PLCL2: variants seen among roughly 807,000 people sequenced by gnomAD.
The protein encoded by PLCL2 is inactive phospholipase C-like protein 2.
A neutral mutation model predicts 79.6 loss-of-function variants in PLCL2; 4 were observed. The observed-to-expected ratio is 0.05, with a 90% CI of 0.02 to 0.11. The LOEUF (loss-of-function observed/expected upper bound fraction) is 0.11. PLCL2 is among the 10% of genes least tolerant of loss of function. The pLI is 1.00. For synonymous variants in PLCL2, 484 were observed against 457.7 expected (o/e 1.06, Z -0.73); for missense variants, 895 against 1,291.0 (o/e 0.69, Z 4.70).
intron 1 of PLCL2, among the ~76,000 whole-genome samples, chr3:16,999,009 A>G (rs2064180802): frequency 6.7e-6 from 1 of 149,212 alleles, no homozygotes; most frequent in Non-Finnish European, 1.5e-5. Context: ...GCTTTGAGTG[A>G]GGTCATTTGA....
intron 1 of PLCL2, among the ~76,000 whole-genome samples, chr3:16,993,006 G>A (rs2064119438): frequency 6.6e-6 from 1 of 152,094 alleles, no homozygotes; most frequent in African/African-American, 2.4e-5. Flanking sequence ...TGAAAGGTGA[G>A]GAGACCTTTG....
intron 4 of PLCL2, among the ~76,000 whole-genome samples, chr3:17,057,567 T>C (rs141141064): frequency 7.0e-4 from 106 of 152,308 alleles, no homozygotes; most frequent in African/African-American, 2.3e-3. Flanking sequence ...AGCTAGTAAG[T>C]TGTCAAAACA....
chr3:16,976,228 G>T (rs1238813956), intron 1 of PLCL2, among the ~76,000 whole-genome samples: 1 of 152,178 alleles, frequency 6.6e-6, no homozygotes, highest in Non-Finnish European at 1.5e-5. Context: ...GTCTGTGTAT[G>T]TGTGTGTGGA....
Position 16,929,238 on chromosome 3 carries a change from T to C in PLCL2, c.327+43872T>C, listed in dbSNP as rs927742228. Among the ~76,000 whole-genome samples the C allele has an allele frequency of 3.3e-5, 5 of 152,024 alleles. No homozygotes were observed. The South Asian group carries it at 6.2e-4, about 19-fold the overall frequency. On this transcript the variant is annotated intron_variant, in intron 1 of 5. Coordinates refer to ENST00000615277, the MANE Select transcript of PLCL2 (RefSeq NM_001144382.2). ...CTACAGGGAGGAGGAAAGAAACTGCTCTGCACTAGGACTTGTCTCAGAGCC... is the reference window on the plus strand; with the variant it reads ...CTACAGGGAGGAGGAAAGAAACTGCCCTGCACTAGGACTTGTCTCAGAGCC...
chr3:17,006,176 C>T (rs1360408092), intron 1 of PLCL2, among the ~76,000 whole-genome samples: 2 of 152,176 alleles, frequency 1.3e-5, no homozygotes, highest in East Asian at 1.9e-4. Context: ...CAATAGATCC[C>T]AGCTCTCTGC....
intron 1 of PLCL2, among the ~76,000 whole-genome samples, chr3:17,008,018 C>T (rs191090912): frequency 5.3e-5 from 8 of 152,300 alleles, no homozygotes; most frequent in African/African-American, 1.4e-4. Flanking sequence ...TAAATACACA[C>T]ACAGATGTGG....
chr3:16,896,897 G>A (rs1231027538), intron 1 of PLCL2, among the ~76,000 whole-genome samples: 11 of 152,216 alleles, frequency 7.2e-5, no homozygotes, highest in Admixed American at 6.5e-4. Flanking sequence ...CCACCTGGCT[G>A]CAATTGAATC....
At chr3:17,077,407 A>G (rs894324334) in intron 5 of PLCL2, among the ~76,000 whole-genome samples, 3 of 152,224 alleles carry the variant, frequency 2.0e-5, no homozygotes, top group African/African-American at 4.8e-5. Context: ...ATGACTTGCC[A>G]ACATGACTTC....
At chr3:17,075,011 C>T (rs1575617708) in intron 5 of PLCL2, among the ~76,000 whole-genome samples, 1 of 152,200 alleles carries the variant, frequency 6.6e-6, no homozygotes, top group Non-Finnish European at 1.5e-5. Flanking sequence ...ATTTCCTTCA[C>T]AAACTTTTCC....
At chr3:16,910,323 T>C (rs1311364981) in intron 1 of PLCL2, among the ~76,000 whole-genome samples, 2 of 152,108 alleles carry the variant, frequency 1.3e-5, no homozygotes, top group Non-Finnish European at 2.9e-5. Flanking sequence ...GCCACTCTTG[T>C]CAAGGTCACC....
At chr3:17,084,241 A>T (rs1358728099) in intron 5 of PLCL2, among the ~76,000 whole-genome samples, 2 of 152,230 alleles carry the variant, frequency 1.3e-5, no homozygotes, top group Non-Finnish European at 2.9e-5. Flanking sequence ...ATATGAGAAG[A>T]AATATACAAT....
Position 17,011,768 on chromosome 3 carries a change from G to C in PLCL2, c.2422G>C (p.Ala808Pro). ...AAAAACAGTGCACCAGAATGGAGACGCTCCCATTTTTGATGAAAGCTTTGA... is the reference window on the plus strand; with the variant it reads ...AAAAACAGTGCACCAGAATGGAGACCCTCCCATTTTTGATGAAAGCTTTGA... ...RTKTVHQNGD[A>P]PIFDESFEFQ... Residue 808 changes from alanine (A) to proline (P), a missense_variant, in exon 2 of 6, where the codon GCT (alanine) becomes CCT (proline). By Grantham distance (27) the Ala-to-Pro change is conservative (BLOSUM62 -1). Transcript: ENST00000615277. The surrounding 1 kb of genome is among the most constrained non-coding windows in gnomAD (Gnocchi z 7.9). The C allele has an allele frequency of 6.2e-7, 1 of 1,614,162 alleles. No homozygotes were observed. Among genetic ancestry groups the C allele is most frequent in the Non-Finnish European group, 8.5e-7 (1 of 1,180,018 alleles).
intron 3 of PLCL2, among the ~76,000 whole-genome samples, chr3:17,017,135 C>T (rs554118172): frequency 5.3e-5 from 8 of 152,284 alleles, no homozygotes; most frequent in Non-Finnish European, 1.0e-4. Context: ...CCTTGGTTCC[C>T]TGCCTCTTCC....
At chr3:16,988,130 A>G (rs1328015183) in intron 1 of PLCL2, among the ~76,000 whole-genome samples, 1 of 152,190 alleles carries the variant, frequency 6.6e-6, no homozygotes, top group Admixed American at 6.5e-5. Context: ...AAAAGTAAAA[A>G]GGTCGTGGAG....
chr3:17,001,832 T>C (rs1012476255), intron 1 of PLCL2, among the ~76,000 whole-genome samples: 4 of 152,142 alleles, frequency 2.6e-5, no homozygotes, highest in Non-Finnish European at 5.9e-5. Flanking sequence ...TTGCTTTGGC[T>C]ATTTGGGGTC....
intron 1 of PLCL2, among the ~76,000 whole-genome samples, chr3:16,969,235 A>G (rs1012097865): frequency 6.6e-6 from 1 of 152,090 alleles, no homozygotes; most frequent in Non-Finnish European, 1.5e-5. Context: ...AGGTTGTGGT[A>G]TCAGGATGAT....
chr3:16,935,982 C>T (rs1323782528), intron 1 of PLCL2, among the ~76,000 whole-genome samples: 1 of 152,144 alleles, frequency 6.6e-6, no homozygotes, highest in Admixed American at 6.5e-5. Flanking sequence ...ATCAAAATGA[C>T]TTTTCAGGTC....
At chr3:16,905,788 G>A (rs577167011) in intron 1 of PLCL2, among the ~76,000 whole-genome samples, 14 of 152,308 alleles carry the variant, frequency 9.2e-5, no homozygotes, top group South Asian at 2.1e-4. Context: ...TCAGAATAGC[G>A]ACAGCATACA....
intron 1 of PLCL2, among the ~76,000 whole-genome samples, chr3:16,970,905 G>A (rs71261753): frequency 0.018 from 2,661 of 151,512 alleles, 84 homozygotes; most frequent in African/African-American, 0.061. Context: ...TTTTTGATGG[G>A]GTTGTTTGTT....
Sources: allele counts gnomAD v4.1 joint callset (sites outside exome capture counted in the v4.1 genomes callset), GRCh38; gene constraint gnomAD v4.1.1; non-coding constraint Gnocchi (gnomAD v3.1); transcripts MANE v1.5; gene names NCBI Gene and HGNC (gene_info 2026-07-23, HGNC 2026-07-21).